ZCWPW2: variants seen among roughly 807,000 people sequenced by gnomAD.
ZCWPW2 encodes zinc finger CW-type and PWWP domain containing 2.
In ZCWPW2, 45 loss-of-function variants were observed where a neutral mutation model predicts 46.6. The observed-to-expected ratio is 0.96, with a 90% CI of 0.76 to 1.24. The LOEUF is 1.24. ZCWPW2 is among the 50% of genes most tolerant of loss of function. The probability of loss-of-function intolerance (pLI) is 0.00; values close to 1 mark genes in which losing one functional copy is unlikely to be tolerated. For synonymous variants in ZCWPW2, 152 were observed against 137.1 expected, an observed-to-expected ratio of 1.11 and a Z score of -0.76; for missense variants, 429 against 403.9, an observed-to-expected ratio of 1.06 and a Z score of -0.53.
intron 1 of ZCWPW2, among the ~76,000 whole-genome samples, chr3:28,373,997 G>C (rs1408670393): frequency 2.6e-5 from 4 of 152,066 alleles, no homozygotes; most frequent in Non-Finnish European, 5.9e-5. Flanking sequence ...GGCTTCATGT[G>C]ATCTTATTTG....
intron 1 of ZCWPW2, among the ~76,000 whole-genome samples, chr3:28,357,126 G>A (rs182030156): frequency 6.6e-6 from 1 of 152,176 alleles, no homozygotes; most frequent in East Asian, 1.9e-4. Flanking sequence ...GAATAATTCT[G>A]TTTTGAGGCT....
chr3:28,424,228 A>ACACACACAC (rs1696911938), intron 3 of ZCWPW2, among the ~76,000 whole-genome samples: 2 of 138,868 alleles, frequency 1.4e-5, no homozygotes, highest in African/African-American at 5.4e-5. Flanking sequence ...GTCTTATTCC[A>ACACACACAC]ACACACACAC....
At chr3:28,490,481 A>G (rs1340442692) in intron 5 of ZCWPW2, among the ~76,000 whole-genome samples, 15 of 152,144 alleles carry the variant, frequency 9.9e-5, no homozygotes, top group Non-Finnish European at 2.2e-4. Context: ...ATGGAATACT[A>G]TGTAGTCATG....
chr3:28,378,627 C>T (rs1255120569), intron 1 of ZCWPW2, among the ~76,000 whole-genome samples: 1 of 152,086 alleles, frequency 6.6e-6, no homozygotes, highest in Admixed American at 6.6e-5. Context: ...AGAATTTAAG[C>T]CCAGACCTAG....
At chr3:28,433,019 T>C (rs1053730487) in intron 3 of ZCWPW2, among the ~76,000 whole-genome samples, 27 of 152,192 alleles carry the variant, frequency 1.8e-4, no homozygotes, top group East Asian at 5.8e-4. Context: ...CCTCATCAAA[T>C]TGATTTTATC....
intron 1 of ZCWPW2, among the ~76,000 whole-genome samples, chr3:28,357,751 T>C (rs1316592310): frequency 6.7e-6 from 1 of 150,132 alleles, no homozygotes; most frequent in Non-Finnish European, 1.5e-5. Flanking sequence ...ACCTCCATAA[T>C]TGCATAGGCC....
intron 4 of ZCWPW2, among the ~76,000 whole-genome samples, chr3:28,466,138 A>T (rs1282167482): frequency 6.6e-6 from 1 of 152,166 alleles, no homozygotes; most frequent in Non-Finnish European, 1.5e-5. Flanking sequence ...GTACACATGG[A>T]CACAAAGATA....
At chr3:28,366,730 C>A (rs1361297850) in intron 1 of ZCWPW2, among the ~76,000 whole-genome samples, 1 of 152,200 alleles carries the variant, frequency 6.6e-6, no homozygotes, top group Non-Finnish European at 1.5e-5. Flanking sequence ...ACCAGCTCCT[C>A]CTTGTACCTC....
intron 7 of ZCWPW2, 75 bp downstream of exon 7, chr3:28,514,197 C>A: frequency 1.0e-6 from 1 of 981,898 alleles, no homozygotes; most frequent in Non-Finnish European, 1.4e-6. Flanking sequence ...AACACCCCGG[C>A]TAATAACCCT....
At chr3:28,367,075 T>C (rs1020718334) in intron 1 of ZCWPW2, among the ~76,000 whole-genome samples, 1 of 152,228 alleles carries the variant, frequency 6.6e-6, no homozygotes, top group African/African-American at 2.4e-5. Context: ...ATCAATTTTG[T>C]TGATCTTTTT....
chr3:28,474,013 TAA>T (rs1271268054), intron 4 of ZCWPW2, among the ~76,000 whole-genome samples: 1 of 152,144 alleles, frequency 6.6e-6, no homozygotes, highest in Non-Finnish European at 1.5e-5. Context: ...TAAAAATAAC[TAA>T]AGAGTATAAT....
At chr3:28,508,271 A>G (rs1269533369) in intron 6 of ZCWPW2, among the ~76,000 whole-genome samples, 1 of 152,144 alleles carries the variant, frequency 6.6e-6, no homozygotes, top group East Asian at 1.9e-4. Flanking sequence ...AATTTCAACA[A>G]GAAGTTTGGA....
At chr3:28,445,690 T>A (rs1697963277) in intron 4 of ZCWPW2, among the ~76,000 whole-genome samples, 1 of 152,128 alleles carries the variant, frequency 6.6e-6, no homozygotes, top group South Asian at 2.1e-4. Flanking sequence ...AATAATTGCC[T>A]TATTAGTAAT....
chr3:28,501,300 A>T (rs1208113102), intron 6 of ZCWPW2, among the ~76,000 whole-genome samples: 1 of 152,168 alleles, frequency 6.6e-6, no homozygotes, highest in African/African-American at 2.4e-5. Context: ...CTTAAAGCAG[A>T]AGAGACTTTC....
intron 3 of ZCWPW2, among the ~76,000 whole-genome samples, chr3:28,421,834 TTGTG>T (rs71087697): frequency 0.059 from 7,854 of 133,820 alleles, 240 homozygotes; most frequent in Middle Eastern, 0.092. Flanking sequence ...GGAGAATAGT[TTGTG>T]TGTGTGTGTG....
At chr3:28,487,733 G>A (rs971041479) in intron 5 of ZCWPW2, among the ~76,000 whole-genome samples, 1 of 152,142 alleles carries the variant, frequency 6.6e-6, no homozygotes, top group Non-Finnish European at 1.5e-5. Context: ...GTTTAGCAGT[G>A]CAGTGGTAAG....
chr3:28,391,047 G>T (rs764766667), intron 2 of ZCWPW2, among the ~76,000 whole-genome samples: 1 of 152,172 alleles, frequency 6.6e-6, no homozygotes, highest in South Asian at 2.1e-4. Flanking sequence ...TGTCCTGGAT[G>T]TTAATGATTG....
chr3:28,430,032 G>A (rs1259887986), intron 3 of ZCWPW2, among the ~76,000 whole-genome samples: 1 of 152,190 alleles, frequency 6.6e-6, no homozygotes, highest in Non-Finnish European at 1.5e-5. Flanking sequence ...CCCACACAGA[G>A]TCCCCACTGA....
intron 4 of ZCWPW2, among the ~76,000 whole-genome samples, chr3:28,453,898 G>A (rs1242480561): frequency 6.7e-6 from 1 of 149,652 alleles, no homozygotes; most frequent in African/African-American, 2.5e-5. Context: ...AGGCTGGAGT[G>A]CAGTGGCGCG....
Sources: gnomAD v4.1 joint callset for allele counts (sites outside exome capture counted in the v4.1 genomes callset) on GRCh38, gnomAD v4.1.1 for gene constraint, MANE v1.5 for transcripts, NCBI Gene and HGNC (gene_info 2026-07-23, HGNC 2026-07-21) for gene names.